MAF: variants seen among roughly 807,000 people sequenced by gnomAD.
The protein encoded by MAF is MAF bZIP transcription factor, also known as transcription factor Maf.
MAF carries 10 observed loss-of-function variants against 22.0 expected under a neutral mutation model. The observed-to-expected ratio is 0.45, with a 90% CI of 0.28 to 0.77. MAF has a LOEUF of 0.77. Among genes scored for constraint, MAF ranks in the 30% least tolerant of loss-of-function variants. The pLI, the probability that MAF is intolerant of heterozygous loss-of-function variation, is 0.12. For missense variants in MAF, 544 were observed against 548.4 expected (o/e 0.99, Z 0.08); for synonymous variants, 337 against 255.8 (o/e 1.32, Z -3.03).
the MAF span, among the ~76,000 whole-genome samples, chr16:79,502,708 A>AATATATATATATATATAT: frequency 8.8e-5 from 3 of 34,002 alleles, no homozygotes; most frequent in Non-Finnish European, 1.1e-4. Flanking sequence ...TATAAATATA[A>AATATATATATATATATAT]ATATATATAT....
chr16:79,501,372 C>T, the MAF span, among the ~76,000 whole-genome samples: 2 of 152,178 alleles, frequency 1.3e-5, no homozygotes, highest in African/African-American at 4.8e-5. Context: ...ACATCTGCAA[C>T]AACTTTATTT....
the MAF span, among the ~76,000 whole-genome samples, chr16:79,433,267 TAA>T: frequency 0.33 from 45,936 of 139,118 alleles, 8,785 homozygotes; most frequent in Middle Eastern, 0.49. Flanking sequence ...ATAAGACAAG[TAA>T]AAAAAAAAAT....
chr16:79,557,087 G>A, the MAF span, among the ~76,000 whole-genome samples: 58 of 151,202 alleles, frequency 3.8e-4, no homozygotes, highest in Non-Finnish European at 5.9e-4. Context: ...CTACAGGCTC[G>A]CACCACAGCA....
chr16:79,423,596 C>T, the MAF span, among the ~76,000 whole-genome samples: 4 of 152,166 alleles, frequency 2.6e-5, no homozygotes, highest in African/African-American at 7.2e-5. Flanking sequence ...CACATAATGG[C>T]TATAGCTGTT....
the MAF span, among the ~76,000 whole-genome samples, chr16:79,487,778 C>A: frequency 1.3e-5 from 2 of 152,208 alleles, no homozygotes; most frequent in African/African-American, 4.8e-5. Flanking sequence ...CTGGGTGACT[C>A]TGGAGCACCC....
At chr16:79,203,864 C>T in the MAF span, 4 of 152,072 alleles carry the variant, frequency 2.6e-5, no homozygotes, top group Non-Finnish European at 4.4e-5. Flanking sequence ...ACGCAGTACA[C>T]GAGCTAGCTA....
chr16:79,351,472 G>A, the MAF span, among the ~76,000 whole-genome samples: 1 of 152,064 alleles, frequency 6.6e-6, no homozygotes. Flanking sequence ...GTTTTTAGTG[G>A]CAGGGTGCTA....
the MAF span, among the ~76,000 whole-genome samples, chr16:79,315,963 G>A: frequency 1.3e-5 from 2 of 152,216 alleles, no homozygotes; most frequent in Non-Finnish European, 2.9e-5. Context: ...CCTCACAATA[G>A]CACCTGCCAT....
the MAF span, among the ~76,000 whole-genome samples, chr16:79,543,444 T>C: frequency 2.0e-5 from 3 of 152,168 alleles, no homozygotes; most frequent in Non-Finnish European, 4.4e-5. Context: ...ACAAAGAGCA[T>C]GTGGTGGACA....
the MAF span, among the ~76,000 whole-genome samples, chr16:79,360,004 G>C: frequency 5.9e-5 from 9 of 152,284 alleles, 1 homozygote; most frequent in Non-Finnish European, 8.8e-5. Context: ...AGTAGGACCA[G>C]AGGGAAGAAC....
chr16:79,308,767 G>GTT, the MAF span, among the ~76,000 whole-genome samples: 1 of 152,168 alleles, frequency 6.6e-6, no homozygotes, highest in African/African-American at 2.4e-5. Context: ...GAGCTAGAAA[G>GTT]TTGCAGAGCT....
the MAF span, among the ~76,000 whole-genome samples, chr16:79,312,749 G>T: frequency 6.6e-6 from 1 of 152,292 alleles, no homozygotes; most frequent in East Asian, 1.9e-4. Context: ...TGTCTCCCTT[G>T]GAAGAGAACA....
At chr16:79,520,467 A>G in the MAF span, among the ~76,000 whole-genome samples, 1 of 151,864 alleles carries the variant, frequency 6.6e-6, no homozygotes, top group Non-Finnish European at 1.5e-5. Flanking sequence ...TCTCTTCTCT[A>G]TCTCTCTGTG....
At chr16:79,219,167 T>A in the MAF span, among the ~76,000 whole-genome samples, 1 of 152,198 alleles carries the variant, frequency 6.6e-6, no homozygotes, top group African/African-American at 2.4e-5. Flanking sequence ...AGGCTCTCCA[T>A]GGCTCATTCA....
chr16:79,451,918 C>G, the MAF span, among the ~76,000 whole-genome samples: 196 of 152,292 alleles, frequency 1.3e-3, 1 homozygote, highest in African/African-American at 4.6e-3. Flanking sequence ...TTACTGAGCA[C>G]TTACATGTGT....
the MAF span, among the ~76,000 whole-genome samples, chr16:79,576,766 C>G: frequency 6.6e-6 from 1 of 152,094 alleles, no homozygotes; most frequent in Non-Finnish European, 1.5e-5. Context: ...TACCCTGTGC[C>G]AGGTGCTTTA....
At chr16:79,347,989 T>C in the MAF span, among the ~76,000 whole-genome samples, 1 of 152,244 alleles carries the variant, frequency 6.6e-6, no homozygotes, top group Non-Finnish European at 1.5e-5. Context: ...GGAATTCCAC[T>C]CTTTTTAATA....
the MAF span, among the ~76,000 whole-genome samples, chr16:79,260,480 T>TATATCG: frequency 6.7e-6 from 1 of 150,182 alleles, no homozygotes. Flanking sequence ...TATCTATATC[T>TATATCG]ATATCTATAT....
the MAF span, among the ~76,000 whole-genome samples, chr16:79,558,660 A>C: frequency 6.6e-6 from 1 of 152,188 alleles, no homozygotes; most frequent in Admixed American, 6.5e-5. Flanking sequence ...GTTGGAACTC[A>C]GTCCCAGGCC....
Sources: gnomAD v4.1 joint callset for allele counts (sites outside exome capture counted in the v4.1 genomes callset) on GRCh38, gnomAD v4.1.1 for gene constraint, MANE v1.5 for transcripts, NCBI Gene and HGNC (gene_info 2026-07-23, HGNC 2026-07-21) for gene names.